Variants in PHACTR3 observed in about 807,000 individuals in gnomAD.
PHACTR3 encodes the protein phosphatase and actin regulator 3.
PHACTR3 carries 16 observed loss-of-function variants against 66.8 expected under a neutral mutation model. That is an observed-to-expected ratio of 0.24 (90% CI 0.16 to 0.36). The LOEUF is 0.36. Among genes scored for constraint, PHACTR3 ranks in the 10% least tolerant of loss-of-function variants. PHACTR3 has a pLI of 1.00. For synonymous variants in PHACTR3, 323 were observed against 292.1 expected (o/e 1.11, Z -1.08); for missense variants, 647 against 719.9 (o/e 0.90, Z 1.16).
chr20:59,660,363 G>A (rs887209904), intron 1 of PHACTR3, among the ~76,000 whole-genome samples: 17 of 152,212 alleles, frequency 1.1e-4, no homozygotes, highest in South Asian at 2.1e-4. Flanking sequence ...GCATGGTGGC[G>A]GATGCCTGTA....
At position 59,752,559 on chromosome 20, in the gene PHACTR3, T is replaced by TCCTTGCAGAAAA. The variant is rs2039632358; in HGVS notation, c.359-2620_359-2619insTGCAGAAAACCT. On this transcript the variant is annotated intron_variant, in intron 3 of 12. Coordinates refer to ENST00000371015, the MANE Select transcript of PHACTR3 (RefSeq NM_080672.5). ...GAGCTCTGACCGCAGCCCAGAGAAG[T>TCCTTGCAGAAAA]CCTGCAAGAAGTCCTTGCAGAAAAC... is the stretch of plus-strand genomic sequence containing the variant. Among the ~76,000 whole-genome samples the TCCTTGCAGAAAA allele has an allele frequency of 2.7e-5, 4 of 148,766 alleles. 1 individual carries two copies. Among genetic ancestry groups the TCCTTGCAGAAAA allele is most frequent in the Admixed American group, 2.7e-4 (4 of 14,956 alleles).
intron 4 of PHACTR3, among the ~76,000 whole-genome samples, chr20:59,756,794 G>A (rs1164111198): frequency 6.6e-6 from 1 of 151,856 alleles, no homozygotes; most frequent in Non-Finnish European, 1.5e-5. Context: ...TTTACATTAG[G>A]TATATCTCCT....
At chr20:59,655,487 T>G (rs767706222) in intron 1 of PHACTR3, among the ~76,000 whole-genome samples, 7 of 151,944 alleles carry the variant, frequency 4.6e-5, no homozygotes, top group African/African-American at 7.2e-5. Flanking sequence ...TCTGTGATAT[T>G]GGTAGTGTTG....
intron 5 of PHACTR3, among the ~76,000 whole-genome samples, chr20:59,771,795 AC>A (rs2040370948): frequency 6.6e-6 from 1 of 152,150 alleles, no homozygotes; most frequent in African/African-American, 2.4e-5. Flanking sequence ...AAAGTCCTCC[AC>A]GAGGTTTACA....
At chr20:59,767,002 CCT>C (rs1269116517) in intron 4 of PHACTR3, among the ~76,000 whole-genome samples, 182 bp from the exon 5 acceptor site, 2 of 152,194 alleles carry the variant, frequency 1.3e-5, no homozygotes, top group African/African-American at 2.4e-5. Context: ...TCTCCATATT[CCT>C]CTCTCTGCTT....
intron 1 of PHACTR3, among the ~76,000 whole-genome samples, chr20:59,591,444 G>C (rs1426976736): frequency 2.0e-5 from 3 of 152,152 alleles, no homozygotes; most frequent in Non-Finnish European, 2.9e-5. Flanking sequence ...GGGGAACTTG[G>C]TGGGTATTTT....
At chr20:59,793,248 A>G (rs2041157837) in intron 7 of PHACTR3, among the ~76,000 whole-genome samples, 2 of 152,160 alleles carry the variant, frequency 1.3e-5, no homozygotes, top group Non-Finnish European at 2.9e-5. Context: ...CTTGCTCAAG[A>G]TTGCTGTAAA....
Position 59,622,992 on chromosome 20 carries a change from A to AAAAAAAAAAAAAAAAAAAAAC in PHACTR3, c.118+17869_118+17870insAAAAAAAAAAACAAAAAAAAA, listed in dbSNP as rs1371507011. Among the ~76,000 whole-genome samples, 39 of 145,264 alleles carry AAAAAAAAAAAAAAAAAAAAAC rather than the reference A, an allele frequency of 2.7e-4. 3 individuals carry two copies. The highest frequency in any genetic ancestry group is 5.5e-4 in the Non-Finnish European group (36 of 65,820). ...ACAGCAGCTTTAACCAAAAAAAAAAAAAAAAAAAACCCAAATCTTCAGCAA... is the reference window on the plus strand; with the variant it reads ...ACAGCAGCTTTAACCAAAAAAAAAAAAAAAAAAAAAAAAAAAAAAACAAAAAAAAACCCAAATCTTCAGCAA... On this transcript the variant is annotated intron_variant, in intron 1 of 12. Transcript: ENST00000371015.
intron 7 of PHACTR3, among the ~76,000 whole-genome samples, chr20:59,776,564 A>G (rs1312805350): frequency 6.6e-6 from 1 of 152,186 alleles, no homozygotes; most frequent in Non-Finnish European, 1.5e-5. Context: ...CTGGCCCAGA[A>G]GGGTCTCCCG....
At chr20:59,672,476 A>G (rs901514714) in intron 1 of PHACTR3, among the ~76,000 whole-genome samples, 15 of 152,144 alleles carry the variant, frequency 9.9e-5, no homozygotes, top group Admixed American at 3.3e-4. Flanking sequence ...GGCCCTAGCC[A>G]TGGGGGCTAG....
At chr20:59,623,958 G>A (rs552341048) in intron 1 of PHACTR3, among the ~76,000 whole-genome samples, 132 of 152,316 alleles carry the variant, frequency 8.7e-4, no homozygotes, top group African/African-American at 3.1e-3. Flanking sequence ...GCCCATGGGC[G>A]TTGTGTAGAG....
At chr20:59,772,710 T>C (rs536609087) in intron 5 of PHACTR3, among the ~76,000 whole-genome samples, 7 of 152,000 alleles carry the variant, frequency 4.6e-5, no homozygotes, top group African/African-American at 1.7e-4. Flanking sequence ...GGGCCATGAG[T>C]TCGAATCATG....
intron 7 of PHACTR3, among the ~76,000 whole-genome samples, chr20:59,800,807 G>A (rs746131913): frequency 2.6e-5 from 4 of 152,170 alleles, no homozygotes; most frequent in African/African-American, 2.4e-5. Flanking sequence ...TAAGTTACTT[G>A]AAAATAGTCT....
upstream of PHACTR3, chr20:59,604,008 CTGAGGAAAAGCCTCAT>C (rs986992732): frequency 2.6e-5 from 4 of 152,482 alleles, no homozygotes; most frequent in African/African-American, 9.7e-5. Flanking sequence ...CTAAGGGCGT[CTGAGGAAAAGCCTCAT>C]TGGAAAGCGC....
At chr20:59,658,372 A>G (rs555939658) in intron 1 of PHACTR3, among the ~76,000 whole-genome samples, 1 of 151,802 alleles carries the variant, frequency 6.6e-6, no homozygotes, top group East Asian at 1.9e-4. Context: ...GTTTTTATAC[A>G]TACTAGATTT....
At chr20:59,793,234 C>T (rs1473463390) in intron 7 of PHACTR3, among the ~76,000 whole-genome samples, 3 of 152,098 alleles carry the variant, frequency 2.0e-5, no homozygotes, top group African/African-American at 2.4e-5. Flanking sequence ...CCTCCAGCTT[C>T]GTTCTTGCTC....
chr20:59,638,858 T>C (rs1359383257), intron 1 of PHACTR3, among the ~76,000 whole-genome samples: 1 of 145,404 alleles, frequency 6.9e-6, no homozygotes, highest in Non-Finnish European at 1.5e-5. Flanking sequence ...GCTAGGTAGA[T>C]ATATGAGTGG....
intron 1 of PHACTR3, among the ~76,000 whole-genome samples, chr20:59,615,744 C>T (rs1365691811): frequency 6.6e-6 from 1 of 152,170 alleles, no homozygotes; most frequent in African/African-American, 2.4e-5. Flanking sequence ...TACATGGGAC[C>T]TCTTAGGGCC....
chr20:59,825,062 A>G (rs939948539), intron 8 of PHACTR3, among the ~76,000 whole-genome samples: 8 of 152,060 alleles, frequency 5.3e-5, no homozygotes, highest in Non-Finnish European at 1.0e-4. Context: ...TTCTCTGTTC[A>G]TTTTGCTGTG....
Sources: gnomAD v4.1 joint callset for allele counts (sites outside exome capture counted in the v4.1 genomes callset) on GRCh38, gnomAD v4.1.1 for gene constraint, MANE v1.5 for transcripts, NCBI Gene and HGNC (gene_info 2026-07-23, HGNC 2026-07-21) for gene names.